The following ACVR2A variants were observed in gnomAD, a reference collection of about 807,000 sequenced individuals.
ACVR2A encodes activin receptor type-2A.
In ACVR2A, 7 loss-of-function variants were observed where a neutral mutation model predicts 61.4. The ratio of observed to expected loss-of-function variants is 0.11; its 90% CI spans 0.06 to 0.21. The LOEUF is 0.21. Among genes scored for constraint, ACVR2A ranks in the 10% least tolerant of loss-of-function variants. ACVR2A has a pLI of 1.00. For synonymous variants in ACVR2A, 193 were observed against 208.3 expected (o/e 0.93, Z 0.63); for missense variants, 322 against 621.7 (o/e 0.52, Z 5.13).
chr2:147,913,711 G>A (rs746178652), intron 4 of ACVR2A, among the ~76,000 whole-genome samples: 6 of 147,714 alleles, frequency 4.1e-5, no homozygotes, highest in Admixed American at 7.0e-5. Context: ...AATCACACTT[G>A]AGAGCCCATC....
chr2:147,927,453 C>G lies in ACVR2A; in HGVS notation c.*179C>G. ...GGGAGACTTACTGCATTGCCGACAG[C>G]ACAGATGTGAAGGACATGAGACTAA... On this transcript the variant is annotated 3_prime_UTR_variant, in exon 11 of 11. Coordinates refer to ENST00000241416, the MANE Select transcript of ACVR2A (RefSeq NM_001616.5). The G allele has an allele frequency of 1.7e-6, 1 of 578,090 alleles. No homozygotes were observed. 35.8% of individuals were successfully genotyped at this position (578,090 alleles called of 1,614,324 possible). A position where few individuals can be genotyped will look rare whatever the true frequency, so the allele number is the denominator to read the frequency against.
intron 1 of ACVR2A, among the ~76,000 whole-genome samples, chr2:147,857,639 C>CA (rs1454760617): frequency 1.3e-5 from 2 of 150,872 alleles, no homozygotes; most frequent in Admixed American, 6.6e-5. Context: ...GTAGAAAGAG[C>CA]AAACATTCTG....
intron 1 of ACVR2A, among the ~76,000 whole-genome samples, chr2:147,874,553 T>G (rs1686106875): frequency 6.6e-6 from 1 of 151,916 alleles, no homozygotes; most frequent in Non-Finnish European, 1.5e-5. Flanking sequence ...TAGAATCACT[T>G]TGGTTGTTAG....
chr2:147,871,318 T>A (rs761734498), intron 1 of ACVR2A, among the ~76,000 whole-genome samples: 1 of 152,136 alleles, frequency 6.6e-6, no homozygotes, highest in African/African-American at 2.4e-5. Context: ...TAATACTACT[T>A]AAATTAGTGG....
At chr2:147,896,227 A>G in intron 1 of ACVR2A, 74 bp from the exon 2 acceptor site, 2 of 1,360,546 alleles carry the variant, frequency 1.5e-6, no homozygotes, top group South Asian at 2.6e-5. Flanking sequence ...GAATACCTAA[A>G]GTTGCTATCT....
chr2:147,875,248 C>G (rs989750023), intron 1 of ACVR2A, among the ~76,000 whole-genome samples: 3 of 151,856 alleles, frequency 2.0e-5, no homozygotes, highest in Admixed American at 2.0e-4. Context: ...ATACTCTTTT[C>G]CATCAGTTAA....
chr2:147,871,997 T>G (rs1027133424), intron 1 of ACVR2A, among the ~76,000 whole-genome samples: 1 of 152,096 alleles, frequency 6.6e-6, no homozygotes, highest in Non-Finnish European at 1.5e-5. Context: ...TTATGAAGAT[T>G]GCTTGTTCTC....
intron 1 of ACVR2A, among the ~76,000 whole-genome samples, chr2:147,887,292 AAAG>A (rs1686464986): frequency 6.6e-6 from 1 of 152,172 alleles, no homozygotes; most frequent in African/African-American, 2.4e-5. Flanking sequence ...TTTGGGAAAA[AAAG>A]AACTCTTTAA....
chr2:147,922,743 G>T (rs948972708), intron 8 of ACVR2A, among the ~76,000 whole-genome samples: 1 of 151,960 alleles, frequency 6.6e-6, no homozygotes, highest in African/African-American at 2.4e-5. Flanking sequence ...TCAGTTTCTT[G>T]TGATTACATC....
In ACVR2A at chr2:147,928,154, TTACC is replaced by T. The variant is rs904887926; in HGVS notation, c.*883_*886del. 6.6e-6 allele frequency: 1 copy of T among 152,368 alleles called. No individual in the cohort carries two copies. The highest frequency in any genetic ancestry group is 2.4e-5 in the African/African-American group (1 of 41,404). 9.4% of individuals were successfully genotyped at this position (152,368 alleles called of 1,614,324 possible). On this transcript the variant is annotated 3_prime_UTR_variant, in exon 11 of 11. Transcript: ENST00000241416. ...TATCCAGTTCCCAAAATTTGCATAC[TTACC>T]TAAGTATTTTTTTTAGGTGTGCTGT...
Position 147,930,278 on chromosome 2 carries a change from TAAA to T in ACVR2A, c.*3006_*3008del, listed in dbSNP as rs1401966549. The T allele has an allele frequency of 1.3e-5, 2 of 151,420 alleles. No homozygotes were observed. The highest frequency in any genetic ancestry group is 2.4e-5 in the African/African-American group (1 of 41,090). 9.4% of individuals were successfully genotyped at this position (151,420 alleles called of 1,614,324 possible). On this transcript the variant is annotated 3_prime_UTR_variant, in exon 11 of 11. Transcript: ENST00000241416. ...CCCCTAAGTAACAGCTACATTTAAG[TAAA>T]ATGCAGGTGGTAGGGGAAAAAAAAC...
At position 147,927,033 on chromosome 2, in the gene ACVR2A, A is replaced by G. The variant is rs1687520611; in HGVS notation, c.1348-47A>G. On this transcript the variant is annotated intron_variant, in intron 10 of 10. Coordinates refer to ENST00000241416, the MANE Select transcript of ACVR2A (RefSeq NM_001616.5). The stretch of plus-strand genomic sequence containing the variant: ...GAAAATTTTATTGTTTCCTAATAGA[A>G]AACAAAAACTGCTGTGGCGTTTGAG... 5 of 1,561,860 alleles carry G rather than the reference A, an allele frequency of 3.2e-6. No individual in the cohort carries two copies. In the African/African-American group the frequency reaches 5.6e-5, roughly 17 times the overall value.
intron 5 of ACVR2A, among the ~76,000 whole-genome samples, chr2:147,916,790 C>T (rs889102862): frequency 6.6e-6 from 1 of 151,906 alleles, no homozygotes; most frequent in African/African-American, 2.4e-5. Context: ...ATCTTTGCCC[C>T]TTGCTTTCTC....
intron 1 of ACVR2A, among the ~76,000 whole-genome samples, chr2:147,857,600 T>G (rs181952455): frequency 4.1e-4 from 61 of 149,496 alleles, no homozygotes; most frequent in African/African-American, 1.5e-3. Flanking sequence ...ATGAAAGTAA[T>G]TAATTATGCA....
chr2:147,895,151 T>G (rs1446764769), intron 1 of ACVR2A, among the ~76,000 whole-genome samples: 1 of 152,148 alleles, frequency 6.6e-6, no homozygotes, highest in Non-Finnish European at 1.5e-5. Flanking sequence ...AGTTAAAATT[T>G]ATCAAAACTT....
At chr2:147,879,895 A>C (rs944792165) in intron 1 of ACVR2A, among the ~76,000 whole-genome samples, 2 of 152,150 alleles carry the variant, frequency 1.3e-5, no homozygotes, top group African/African-American at 4.8e-5. Flanking sequence ...TTCCAGTGAT[A>C]CTCACATTCT....
chr2:147,918,184 C>T (rs12624097), intron 6 of ACVR2A, among the ~76,000 whole-genome samples: 1 of 141,372 alleles, frequency 7.1e-6, no homozygotes, highest in African/African-American at 2.6e-5. Flanking sequence ...AAAAAAAAAA[C>T]AAACTTGTCT....
intron 7 of ACVR2A, among the ~76,000 whole-genome samples, chr2:147,919,529 G>A (rs1313793708): frequency 1.3e-5 from 2 of 152,034 alleles, no homozygotes; most frequent in Non-Finnish European, 2.9e-5. Flanking sequence ...CCCATTATTG[G>A]TCTATATGTC....
chr2:147,928,897 A>G lies in ACVR2A; in HGVS notation c.*1623A>G, dbSNP rs1425004051. 1 of 152,434 alleles carries G rather than the reference A, an allele frequency of 6.6e-6. No homozygotes were observed. Among genetic ancestry groups the G allele is most frequent in the Non-Finnish European group, 1.5e-5 (1 of 67,946 alleles). 9.4% of individuals were successfully genotyped at this position (152,434 alleles called of 1,614,324 possible). ...TTATGCTGTGTATTTCTGTCAGGTC[A>G]TTTTAAAATCCATGTTAATTTTATA... On this transcript the variant is annotated 3_prime_UTR_variant, in exon 11 of 11. Transcript: ENST00000241416.
Sources: gnomAD v4.1 joint callset for allele counts (sites outside exome capture counted in the v4.1 genomes callset) on GRCh38, gnomAD v4.1.1 for gene constraint, MANE v1.5 for transcripts, NCBI Gene and HGNC (gene_info 2026-07-23, HGNC 2026-07-21) for gene names.